The following ECRG4 variants were observed in gnomAD, a reference collection of about 807,000 sequenced individuals.
ECRG4 encodes ECRG4 augurin precursor.
Under a neutral mutation model 15.8 loss-of-function variants are expected in ECRG4, and 18 were observed. That is an observed-to-expected ratio of 1.14 (90% confidence interval 0.79 to 1.69). The LOEUF is 1.69. Among genes scored for constraint, ECRG4 ranks in the 40% most tolerant of loss-of-function variants. The probability of loss-of-function intolerance (pLI) is 0.00; values close to 1 mark genes in which losing one functional copy is unlikely to be tolerated. For missense variants in ECRG4, 200 were observed against 190.9 expected (o/e 1.05, Z -0.28); for synonymous variants, 82 against 73.9 (o/e 1.11, Z -0.56).
At chr2:106,071,127 C>T (rs1353162337) in intron 1 of ECRG4, 5 of 419,198 alleles carry the variant, frequency 1.2e-5, no homozygotes, top group African/African-American at 4.1e-5. Flanking sequence ...CAAAACTGGG[C>T]TGCACTTTTA....
chr2:106,064,109 C>T (rs2104786472), upstream of ECRG4, among the ~76,000 whole-genome samples: 1 of 152,342 alleles, frequency 6.6e-6, no homozygotes, highest in South Asian at 2.1e-4. Flanking sequence ...ACTTTTAAAA[C>T]TCCTATCCCC....
At chr2:106,074,703 G>A (rs750246122) in intron 3 of ECRG4, among the ~76,000 whole-genome samples, 18 of 152,222 alleles carry the variant, frequency 1.2e-4, no homozygotes, top group Admixed American at 2.0e-4. Context: ...TCCATCCATG[G>A]TGACTGAGGA....
chr2:106,075,049 CAT>C (rs1198733657), intron 3 of ECRG4, among the ~76,000 whole-genome samples: 3 of 151,468 alleles, frequency 2.0e-5, no homozygotes, highest in African/African-American at 7.3e-5. Context: ...AATAGGTAAA[CAT>C]GTATAGCCAA....
chr2:106,064,800 C>A (rs914038417), upstream of ECRG4, among the ~76,000 whole-genome samples: 5 of 152,134 alleles, frequency 3.3e-5, no homozygotes, highest in East Asian at 9.6e-4. Flanking sequence ...GTAGCCCAGG[C>A]CTGGAGAGAA....
At chr2:106,066,536 T>C (rs1164168385) in intron 1 of ECRG4, among the ~76,000 whole-genome samples, 1 of 152,232 alleles carries the variant, frequency 6.6e-6, no homozygotes, top group Non-Finnish European at 1.5e-5. Context: ...TGGTTTGTCC[T>C]GAGTTACCAC....
chr2:106,074,302 T>C, intron 3 of ECRG4: 1 of 407,024 alleles, frequency 2.5e-6, no homozygotes, highest in South Asian at 5.1e-5. Context: ...GGGACCTAGA[T>C]TCATCGAGAA....
intron 1 of ECRG4, among the ~76,000 whole-genome samples, chr2:106,067,799 A>C (rs1676256760): frequency 6.6e-6 from 1 of 151,284 alleles, no homozygotes; most frequent in Non-Finnish European, 1.5e-5. Flanking sequence ...GAAAATCTTT[A>C]TGTAATCCCA....
intron 1 of ECRG4, among the ~76,000 whole-genome samples, chr2:106,066,952 C>T (rs1676227441): frequency 6.6e-6 from 1 of 150,614 alleles, no homozygotes; most frequent in Non-Finnish European, 1.5e-5. Flanking sequence ...CAGTCATTTC[C>T]CGTTGTATGG....
At chr2:106,071,289 A>G (rs1297086159) in intron 1 of ECRG4, among the ~76,000 whole-genome samples, 1 of 138,920 alleles carries the variant, frequency 7.2e-6, no homozygotes, top group Non-Finnish European at 1.5e-5. Context: ...GTATGATAAC[A>G]TCTTGAGACC....
chr2:106,065,898 T>A, intron 1 of ECRG4, 55 bp downstream of exon 1: 1 of 1,410,054 alleles, frequency 7.1e-7, no homozygotes, highest in Non-Finnish European at 9.3e-7. Context: ...TGGCCCCATG[T>A]GGCGCTTCCA....
chr2:106,064,603 C>G (rs550142661), upstream of ECRG4, among the ~76,000 whole-genome samples: 5 of 152,122 alleles, frequency 3.3e-5, no homozygotes, highest in African/African-American at 7.2e-5. Context: ...GCTTGAACCC[C>G]GGAGTTGGAG....
At chr2:106,075,975 A>C (rs1321743890) in intron 3 of ECRG4, among the ~76,000 whole-genome samples, 1 of 152,336 alleles carries the variant, frequency 6.6e-6, no homozygotes, top group East Asian at 1.9e-4. Context: ...CAAAGATTTT[A>C]AAAAATTTTT....
upstream of ECRG4, chr2:106,063,398 C>G (rs1676142641): frequency 6.6e-6 from 1 of 152,114 alleles, no homozygotes; most frequent in Non-Finnish European, 1.5e-5. Flanking sequence ...TTTAGCAGCC[C>G]AAATGGACTA....
intron 1 of ECRG4, among the ~76,000 whole-genome samples, chr2:106,069,226 T>C (rs1676300910): frequency 6.6e-6 from 1 of 151,204 alleles, no homozygotes; most frequent in African/African-American, 2.4e-5. Flanking sequence ...TCTTTCTTCT[T>C]TCCTTCTTTC....
intron 1 of ECRG4, among the ~76,000 whole-genome samples, chr2:106,069,124 CCTTTCTCTT>C (rs1676287075): frequency 1.5e-5 from 2 of 136,748 alleles, no homozygotes; most frequent in East Asian, 2.5e-4. Flanking sequence ...TTTCTTTCTT[CCTTTCTCTT>C]TCTTTCTTTC....
upstream of ECRG4, chr2:106,063,304 G>A (rs1676141002): frequency 1.3e-5 from 2 of 152,174 alleles, no homozygotes; most frequent in Non-Finnish European, 2.9e-5. Flanking sequence ...AATCTGCTGG[G>A]GCCTTAGTCT....
intron 1 of ECRG4, among the ~76,000 whole-genome samples, chr2:106,066,875 G>A (rs1355335853): frequency 2.6e-5 from 4 of 152,164 alleles, no homozygotes; most frequent in Admixed American, 6.5e-5. Context: ...AACAGCAGGA[G>A]GCGTGGTGAG....
At chr2:106,065,940 T>G in intron 1 of ECRG4, 97 bp downstream of exon 1, 1 of 1,139,736 alleles carries the variant, frequency 8.8e-7, no homozygotes, top group Non-Finnish European at 1.2e-6. Context: ...GGTGATGGGG[T>G]GGCGGCGTAG....
At chr2:106,072,138 A>G (rs1425706871) in intron 2 of ECRG4, 2 of 476,046 alleles carry the variant, frequency 4.2e-6, no homozygotes, top group East Asian at 3.4e-5. Flanking sequence ...CAAAAATAAA[A>G]GAAACAGTAG....
Sources: allele counts gnomAD v4.1 joint callset (sites outside exome capture counted in the v4.1 genomes callset), GRCh38; gene constraint gnomAD v4.1.1; transcripts MANE v1.5; gene names NCBI Gene and HGNC (gene_info 2026-07-23, HGNC 2026-07-21).